The following FARP1 variants were observed in gnomAD, a reference collection of about 807,000 sequenced individuals.
FARP1 encodes FERM, ARH/RhoGEF and pleckstrin domain protein 1.
In FARP1, 52 loss-of-function variants were observed where a neutral mutation model predicts 128.8. That is an observed-to-expected ratio of 0.40 (90% CI 0.32 to 0.51). The LOEUF is 0.51. Among genes scored for constraint, FARP1 ranks in the 20% least tolerant of loss-of-function variants. The pLI is 0.45. For missense variants in FARP1, 1,333 were observed against 1,367.9 expected, an observed-to-expected ratio of 0.97 and a Z score of 0.40; for synonymous variants, 580 against 551.8, an observed-to-expected ratio of 1.05 and a Z score of -0.72.
intron 16 of FARP1, among the ~76,000 whole-genome samples, chr13:98,420,941 G>A (rs559580700): frequency 2.6e-5 from 4 of 152,322 alleles, no homozygotes; most frequent in Admixed American, 1.3e-4. Context: ...TTTTGTCCCC[G>A]GTCCCTGGGG....
In FARP1 at chr13:98,451,973, A is replaced by T. The variant is rs1262852387; in HGVS notation, c.*3656A>T. 1 of 152,024 alleles carries T rather than the reference A, an allele frequency of 6.6e-6. No individual in the cohort carries two copies. The highest frequency in any genetic ancestry group is 6.6e-5 in the Admixed American group (1 of 15,260). The allele number at this position is 152,024 out of a possible 1,614,324, so 9.4% of individuals were successfully genotyped here. On this transcript the variant is annotated 3_prime_UTR_variant, in exon 27 of 27. Transcript: ENST00000319562. Reference sequence around the variant, plus strand: ...AACCTCCAACTGCATCATCTCGGTGAGCAAGTGCGCAAGCAGTCCAGGGCG... The same window carrying T: ...AACCTCCAACTGCATCATCTCGGTGTGCAAGTGCGCAAGCAGTCCAGGGCG...
intron 16 of FARP1, among the ~76,000 whole-genome samples, chr13:98,412,984 C>A (rs1188182243): frequency 6.6e-6 from 1 of 152,190 alleles, no homozygotes; most frequent in Non-Finnish European, 1.5e-5. Flanking sequence ...GACTGTAGGG[C>A]CTGAAGGAGC....
At chr13:98,359,095 GA>G (rs1182753555) in intron 3 of FARP1, among the ~76,000 whole-genome samples, 4 of 152,168 alleles carry the variant, frequency 2.6e-5, no homozygotes, top group Non-Finnish European at 1.5e-5. Flanking sequence ...GTTAAGAAGA[GA>G]ACTGAACTTT....
chr13:98,383,482 G>A (rs1889968478), intron 6 of FARP1: 1 of 152,212 alleles, frequency 6.6e-6, no homozygotes, highest in Non-Finnish European at 1.5e-5. Flanking sequence ...CAGTGGGTGT[G>A]ATTGATGGCA....
rs117248183 is a variant in FARP1, at chr13:98,444,560, G to T, written c.2797-1538G>T. 1.7e-3 allele frequency among the ~76,000 whole-genome samples: 266 copies of T among 152,318 alleles called. 2 individuals are homozygous for T. Among genetic ancestry groups the T allele is most frequent in the African/African-American group, 6.2e-3 (256 of 41,572 alleles). On this transcript the variant is annotated intron_variant, in intron 24 of 26. Transcript: ENST00000319562. ...TCATGGCGCGCAGGGCCCGTAACAC[G>T]CTGGAGGCCAGGATGGACCCGACAC... is the stretch of plus-strand genomic sequence containing the variant.
At chr13:98,177,295 T>C (rs2139187192) in intron 1 of FARP1, 1 of 1,372,858 alleles carries the variant, frequency 7.3e-7, no homozygotes, top group Non-Finnish European at 9.8e-7. Context: ...CGCCCTTGCG[T>C]CGCTGCACGT....
intron 13 of FARP1, chr13:98,404,759 G>T (rs1890911687): frequency 6.6e-6 from 1 of 152,070 alleles, no homozygotes; most frequent in Non-Finnish European, 1.5e-5. Context: ...GAATATTGAA[G>T]AAAAAGCATA....
intron 2 of FARP1, among the ~76,000 whole-genome samples, chr13:98,309,213 C>T (rs1424373488): frequency 5.5e-5 from 6 of 108,534 alleles, no homozygotes; most frequent in Non-Finnish European, 8.3e-5. Context: ...GTGGCCCAGG[C>T]GGGAGTGCAG....
chr13:98,259,845 G>A (rs1466504557), intron 2 of FARP1, among the ~76,000 whole-genome samples: 1 of 146,752 alleles, frequency 6.8e-6, no homozygotes, highest in Non-Finnish European at 1.5e-5. Context: ...GAATAGTCAC[G>A]GTGCTTGAGA....
chr13:98,431,163 C>G lies in FARP1; in HGVS notation c.2026C>G (p.Leu676Val). 6.2e-7 allele frequency: 1 copy of G among 1,613,938 alleles called. No individual in the cohort carries two copies. The change falls in exon 18 of 27, where the codon CTA becomes GTA. Residue 676 changes from leucine to valine, a missense_variant. Leu to Val is a conservative substitution (Grantham distance 32, BLOSUM62 1). This residue lies in a region of FARP1 where 1,009 missense variants were observed against 969.8 expected (regional missense o/e 1.04). Transcript: ENST00000319562. ...CTTTGAGCTGCAGAAGGTGTGTTAC[C>G]TACCGCTCAACACCTTCCTCCTGCG... is the stretch of plus-strand genomic sequence containing the variant. ...RDFELQKVCY[L>V]PLNTFLLRPL... is the part of the protein sequence containing the mutation.
At position 98,213,266 on chromosome 13, in the gene FARP1, G is replaced by A. The variant is rs752596292; in HGVS notation, c.24G>A (p.Pro8=). 4 of 1,613,558 alleles carry A rather than the reference G, an allele frequency of 2.5e-6. No homozygotes were observed. Among genetic ancestry groups the A allele is most frequent in the South Asian group, 1.1e-5 (1 of 90,994 alleles). ...TCATGGGAGAAATAGAGCAGAGGCC[G>A]ACCCCAGGATCACGACTGGGGGCCC... MGEIEQR[P]TPGSRLGAPE... The change falls in exon 2 of 27, where the codon CCG becomes CCA. Residue 8 remains proline (P), a synonymous_variant. Coordinates refer to ENST00000319562, the MANE Select transcript of FARP1 (RefSeq NM_005766.4).
rs376915595 is a variant in FARP1 at position 98,446,794 on chromosome 13, G to A, written c.3033G>A (p.Ala1011=). ...AGTCCCACGTCTACTACTTCAGGGC[G>A]GAAAGCGAGTACACGTTCGAAAGGT... The part of the protein sequence containing the change: ...HFKSHVYYFR[A]ESEYTFERWM... Residue 1011 remains alanine (A), a synonymous_variant, in exon 26 of 27, where the codon GCG becomes GCA. Transcript: ENST00000319562. 54 of 1,614,084 alleles carry A rather than the reference G, an allele frequency of 3.3e-5. No homozygotes were observed. The Middle Eastern group carries it at 4.9e-4, about 15-fold the overall frequency.
At chr13:98,168,265 T>G (rs980022386) in intron 1 of FARP1, among the ~76,000 whole-genome samples, 25 of 152,226 alleles carry the variant, frequency 1.6e-4, no homozygotes, top group African/African-American at 5.5e-4. Flanking sequence ...AACTGCATCA[T>G]AAGCTTTGTG....
chr13:98,306,664 G>A (rs1317465164), intron 2 of FARP1, among the ~76,000 whole-genome samples: 3 of 140,494 alleles, frequency 2.1e-5, no homozygotes, highest in Non-Finnish European at 4.6e-5. Context: ...ACAGGTACAT[G>A]CCACCACACC....
Position 98,450,715 on chromosome 13 carries a change from G to A in FARP1, c.*2398G>A, listed in dbSNP as rs535268384. On this transcript the variant is annotated 3_prime_UTR_variant, in exon 27 of 27. Transcript: ENST00000319562. ...GACAGTAAACCCGTCTCAAAGGCTG[G>A]GCCTGGCTACAGACCAGCAGCAGTT... 1.6e-4 allele frequency: 25 copies of A among 152,272 alleles called. No individual in the cohort carries two copies. Among genetic ancestry groups the A allele is most frequent in the Non-Finnish European group, 3.2e-4 (22 of 68,084 alleles). The allele number at this position is 152,272 out of a possible 1,614,324, so 9.4% of individuals were successfully genotyped here.
rs546963148 is a variant in FARP1 at position 98,213,111 on chromosome 13, G to A, written c.-23-109G>A. The A allele has an allele frequency of 1.2e-5, 9 of 771,388 alleles. No individual in the cohort carries two copies. The African/African-American group carries it at 1.4e-4, about 12-fold the overall frequency. 47.8% of individuals were successfully genotyped at this position (771,388 alleles called of 1,614,324 possible). A position where few individuals can be genotyped will look rare whatever the true frequency, so the allele number is the denominator to read the frequency against. On this transcript the variant is annotated intron_variant, in intron 1 of 26. Transcript: ENST00000319562. ...CGATGCCTCCCTATATGTGATTCCT[G>A]TGCAGGGGATGGAGCCCCCTGCCCA...
chr13:98,244,693 T>C (rs1225718778), intron 2 of FARP1: 1 of 1,613,904 alleles, frequency 6.2e-7, no homozygotes, highest in African/African-American at 1.3e-5. Context: ...ACTGAAGAGC[T>C]TCTTAATCTT....
At chr13:98,243,462 G>A in intron 2 of FARP1, among the ~76,000 whole-genome samples, 1 of 152,004 alleles carries the variant, frequency 6.6e-6, no homozygotes, top group African/African-American at 2.4e-5. Context: ...TTGGAAGGCT[G>A]AGGGGGGTGG....
At chr13:98,447,923 G>A in intron 26 of FARP1, 2 of 404,422 alleles carry the variant, frequency 4.9e-6, no homozygotes, top group Non-Finnish European at 9.0e-6. Flanking sequence ...TCTCTGCCAT[G>A]TCCATGAAAA....
Sources: allele counts gnomAD v4.1 joint callset (sites outside exome capture counted in the v4.1 genomes callset), GRCh38; gene constraint gnomAD v4.1.1; regional missense constraint gnomAD v4.1.1; transcripts MANE v1.5; gene names NCBI Gene and HGNC (gene_info 2026-07-23, HGNC 2026-07-21).